The following CARMIL1 variants were observed in gnomAD, a reference collection of about 807,000 sequenced individuals.
CARMIL1 encodes capping protein regulator and myosin 1 linker 1.
A neutral mutation model predicts 177.1 loss-of-function variants in CARMIL1; 90 were observed. The ratio of observed to expected loss-of-function variants is 0.51; its 90% CI spans 0.43 to 0.61. CARMIL1 has a LOEUF of 0.61. Ranked by LOEUF, CARMIL1 falls within the 20% of genes least tolerant of loss-of-function variation. The probability of loss-of-function intolerance (pLI) is 0.00; values close to 1 mark genes in which losing one functional copy is unlikely to be tolerated. For missense variants in CARMIL1, 1,380 were observed against 1,667.0 expected (o/e 0.83, Z 3.00); for synonymous variants, 577 against 606.2 (o/e 0.95, Z 0.71).
At chr6:25,455,781 C>T (rs752621812) in intron 8 of CARMIL1, among the ~76,000 whole-genome samples, 24 of 152,094 alleles carry the variant, frequency 1.6e-4, no homozygotes, top group Admixed American at 3.3e-4. Flanking sequence ...GATTCAAAGC[C>T]GGGGATTTTA....
intron 16 of CARMIL1, among the ~76,000 whole-genome samples, chr6:25,495,557 G>GTA (rs368338328): frequency 6.6e-6 from 1 of 151,688 alleles, no homozygotes; most frequent in Non-Finnish European, 1.5e-5. Flanking sequence ...GTGTGTGTGT[G>GTA]TGTGTGTGTG....
chr6:25,419,608 T>C (rs1467583196), intron 2 of CARMIL1, among the ~76,000 whole-genome samples: 1 of 152,170 alleles, frequency 6.6e-6, no homozygotes, highest in Admixed American at 6.5e-5. Context: ...AAGTTAGGGA[T>C]GATTTTTTGG....
chr6:25,500,117 T>G, intron 16 of CARMIL1, 49 bp from the exon 17 acceptor site: 1 of 1,542,302 alleles, frequency 6.5e-7, no homozygotes, highest in Non-Finnish European at 9.0e-7. Flanking sequence ...TTTTTTCTTT[T>G]GGGCAGTGTG....
chr6:25,284,299 G>T (rs1561932929), intron 1 of CARMIL1, among the ~76,000 whole-genome samples: 1 of 152,182 alleles, frequency 6.6e-6, no homozygotes, highest in Admixed American at 6.5e-5. Context: ...GCATGGGCTG[G>T]TATTATGTCG....
At chr6:25,441,321 A>AT in intron 5 of CARMIL1, among the ~76,000 whole-genome samples, 1 of 42,448 alleles carries the variant, frequency 2.4e-5, no homozygotes, top group Admixed American at 2.7e-4. Flanking sequence ...ACAAACAAAC[A>AT]TATATATATA....
chr6:25,591,970 G>A (rs1439879229), intron 31 of CARMIL1, among the ~76,000 whole-genome samples: 2 of 152,110 alleles, frequency 1.3e-5, no homozygotes, highest in Admixed American at 6.5e-5. Flanking sequence ...TGTGCTGGCT[G>A]TGACTTCTGT....
At chr6:25,578,677 C>T (rs1029237835) in intron 29 of CARMIL1, among the ~76,000 whole-genome samples, 1 of 151,972 alleles carries the variant, frequency 6.6e-6, no homozygotes, top group Non-Finnish European at 1.5e-5. Context: ...TTCTTAATAC[C>T]AATTGTAGAA....
chr6:25,425,482 T>A (rs566335759), intron 3 of CARMIL1, among the ~76,000 whole-genome samples: 1 of 152,234 alleles, frequency 6.6e-6, no homozygotes, highest in African/African-American at 2.4e-5. Context: ...ACTAAATCTC[T>A]TGTGGGTTTG....
chr6:25,375,587 A>C (rs1027493568), intron 2 of CARMIL1, among the ~76,000 whole-genome samples: 1 of 152,176 alleles, frequency 6.6e-6, no homozygotes. Context: ...AAGTTTCCCA[A>C]ATTTTTTGCT....
intron 32 of CARMIL1, among the ~76,000 whole-genome samples, chr6:25,596,044 G>A (rs1014889621): frequency 1.3e-5 from 2 of 152,094 alleles, no homozygotes. Flanking sequence ...CAGTTAGTGA[G>A]GTGGTTTATA....
chr6:25,483,074 G>A (rs570765105), intron 12 of CARMIL1, among the ~76,000 whole-genome samples: 2 of 152,272 alleles, frequency 1.3e-5, no homozygotes, highest in African/African-American at 4.8e-5. Flanking sequence ...CAGAATCAAT[G>A]AGTGTTCCCT....
At chr6:25,517,070 G>T (rs896878344) in intron 21 of CARMIL1, among the ~76,000 whole-genome samples, 4 of 152,318 alleles carry the variant, frequency 2.6e-5, no homozygotes, top group African/African-American at 9.6e-5. Context: ...TTTCTGTCTA[G>T]TGAAAGTTAG....
intron 2 of CARMIL1, among the ~76,000 whole-genome samples, chr6:25,363,669 G>C (rs1789463427): frequency 6.6e-6 from 1 of 152,112 alleles, no homozygotes; most frequent in Non-Finnish European, 1.5e-5. Context: ...AGGATAACTT[G>C]ACCAATATGC....
rs1794623961 is a variant in CARMIL1 at position 25,408,631 on chromosome 6, A to G, written c.139-11483A>G. 3.9e-5 allele frequency among the ~76,000 whole-genome samples: 6 copies of G among 152,134 alleles called. No homozygotes were observed. The South Asian group carries it at 1.2e-3, about 32-fold the overall frequency. On this transcript the variant is annotated intron_variant, in intron 2 of 36. Transcript: ENST00000329474. The stretch of plus-strand genomic sequence containing the variant: ...TTTCTCAAAATCATTCGTGCTTGTA[A>G]GTGGTGGGACCAGAATTCAAACTGG...
intron 2 of CARMIL1, among the ~76,000 whole-genome samples, chr6:25,405,886 G>C (rs1639075020): frequency 6.6e-6 from 1 of 152,188 alleles, no homozygotes; most frequent in African/African-American, 2.4e-5. Context: ...ATTATTATCA[G>C]ATTCACAGAC....
chr6:25,440,230 C>G (rs1797617742), intron 5 of CARMIL1, among the ~76,000 whole-genome samples: 1 of 152,108 alleles, frequency 6.6e-6, no homozygotes, highest in Non-Finnish European at 1.5e-5. Flanking sequence ...GCAGATGAGA[C>G]AGGAGATGAT....
intron 6 of CARMIL1, 116 bp from the exon 7 acceptor site, chr6:25,450,223 C>G (rs1019063474): frequency 1.3e-6 from 1 of 797,286 alleles, no homozygotes; most frequent in South Asian, 1.6e-5. Context: ...TGTTTTCCCC[C>G]CTAAAAAGGA....
At chr6:25,427,049 C>G (rs574478077) in intron 4 of CARMIL1, among the ~76,000 whole-genome samples, 2 of 152,260 alleles carry the variant, frequency 1.3e-5, no homozygotes, top group South Asian at 4.1e-4. Context: ...CACCTGCAGT[C>G]AATCTGCAGG....
intron 2 of CARMIL1, among the ~76,000 whole-genome samples, chr6:25,323,312 A>G (rs1366417077): frequency 2.6e-5 from 4 of 151,436 alleles, no homozygotes; most frequent in Non-Finnish European, 5.9e-5. Flanking sequence ...GGCCTGGCAC[A>G]GTGGCTCACG....
Sources: allele counts gnomAD v4.1 joint callset (sites outside exome capture counted in the v4.1 genomes callset), GRCh38; gene constraint gnomAD v4.1.1; transcripts MANE v1.5; gene names NCBI Gene and HGNC (gene_info 2026-07-23, HGNC 2026-07-21).